P3H2: variants seen among roughly 807,000 people sequenced by gnomAD.
The protein encoded by P3H2 is prolyl 3-hydroxylase 2.
In P3H2, 80 loss-of-function variants were observed where a neutral mutation model predicts 87.0. That is an observed-to-expected ratio of 0.92 (90% CI 0.77 to 1.11). The LOEUF (loss-of-function observed/expected upper bound fraction) is 1.11. P3H2 is among the 50% of genes least tolerant of loss of function. The probability of loss-of-function intolerance (pLI) is 0.00; values close to 1 mark genes in which losing one functional copy is unlikely to be tolerated. For synonymous variants in P3H2, 367 were observed against 359.3 expected, an observed-to-expected ratio of 1.02 and a Z score of -0.24; for missense variants, 1,001 against 923.9, an observed-to-expected ratio of 1.08 and a Z score of -1.08.
chr3:190,114,096 AAAT>A (rs1423130667), intron 1 of P3H2, among the ~76,000 whole-genome samples: 2 of 150,960 alleles, frequency 1.3e-5, no homozygotes, highest in Non-Finnish European at 1.5e-5. Context: ...AAAAAAAAAA[AAAT>A]GGCCAGGAAG....
At chr3:190,087,438 G>A (rs930907713) in intron 1 of P3H2, among the ~76,000 whole-genome samples, 10 of 149,794 alleles carry the variant, frequency 6.7e-5, no homozygotes, top group South Asian at 2.1e-4. Context: ...CAGCTACTCC[G>A]AAGGCTGAGG....
chr3:189,961,774 CCATCAGAGGAAGGGA>C (rs1560336691), intron 14 of P3H2, among the ~76,000 whole-genome samples: 11 of 152,164 alleles, frequency 7.2e-5, no homozygotes, highest in African/African-American at 2.4e-4. Context: ...TAGTACTTTT[CCATCAGAGGAAGGGA>C]CGCTGGCGTT....
Position 190,120,617 on chromosome 3 carries a change from CG to C in P3H2, c.114del (p.Pro40LeufsTer164), listed in dbSNP as rs1194875224. On this transcript the variant is annotated frameshift_variant, in exon 1 of 15. Coordinates refer to ENST00000319332, the MANE Select transcript of P3H2 (RefSeq NM_018192.4). LOFTEE classifies it high-confidence loss of function. The part of the protein sequence containing the change: ...DSPRRELELE[P>X]GPLQPFDLLY... ...AGCAGGTCGAAGGGCTGCAGAGGCC[CG>C]GGCTCCAGCTCCAGCTCCCGGCGTG... 4.6e-6 allele frequency: 7 copies of C among 1,538,166 alleles called. No homozygotes were observed. The highest frequency in any genetic ancestry group is 6.1e-6 in the Non-Finnish European group (7 of 1,151,410).
rs11311050 is a variant in P3H2 at position 189,984,606 on chromosome 3, TA to T, written c.1189-17del. The T allele has an allele frequency of 0.77, 1,067,026 of 1,393,230 alleles. 395,465 individuals carry two copies. The highest frequency in any genetic ancestry group is 0.89 in the East Asian group (35,962 of 40,532). 86.3% of individuals were successfully genotyped at this position (1,393,230 alleles called of 1,614,324 possible). A position where few individuals can be genotyped will look rare whatever the true frequency, so the allele number is the denominator to read the frequency against. On this transcript the variant is annotated splice_polypyrimidine_tract_variant and intron_variant, in intron 6 of 14. Transcript: ENST00000319332. ...TCCAATAATTCTGTTTTGAATCGAG[TA>T]AAAAAAAAAATGCAGTAATTTTGTC...
At chr3:190,016,121 A>G (rs1413592608) in intron 1 of P3H2, among the ~76,000 whole-genome samples, 1 of 152,214 alleles carries the variant, frequency 6.6e-6, no homozygotes, top group Non-Finnish European at 1.5e-5. Flanking sequence ...TCCACAACAT[A>G]TATCACTGAT....
chr3:190,093,372 T>G (rs1203981099), intron 1 of P3H2, among the ~76,000 whole-genome samples: 1 of 151,974 alleles, frequency 6.6e-6, no homozygotes, highest in Non-Finnish European at 1.5e-5. Context: ...CGTGACTAGC[T>G]AAAGAGGTTG....
intron 1 of P3H2, among the ~76,000 whole-genome samples, chr3:190,019,503 G>A (rs1291550917): frequency 6.6e-6 from 1 of 152,056 alleles, no homozygotes; most frequent in African/African-American, 2.4e-5. Context: ...ATCCACAGAT[G>A]TCTGGATGCT....
In P3H2 at chr3:189,972,987, C is replaced by G. The variant is rs141691712; in HGVS notation, c.1586G>C (p.Arg529Pro). 1 of 1,612,878 alleles carries G rather than the reference C, an allele frequency of 6.2e-7. No individual in the cohort carries two copies. The highest frequency in any genetic ancestry group is 8.5e-7 in the Non-Finnish European group (1 of 1,179,776). Reference sequence around the variant, plus strand: ...CTTTTCGCTGATGTCATAAAACAGACGAGCGCTCTTCAGTGGGACTCGACC... The same window carrying G: ...CTTTTCGCTGATGTCATAAAACAGAGGAGCGCTCTTCAGTGGGACTCGACC... ...YEGRVPLKSARLFYDISEKAR... is the reference protein window; with the variant it reads ...YEGRVPLKSAPLFYDISEKAR... Residue 529 changes from arginine (R) to proline (P), a missense_variant, in exon 11 of 15, where the codon CGT becomes CCT. Transcript: ENST00000319332.
At chr3:190,081,561 A>G (rs1256559131) in intron 1 of P3H2, among the ~76,000 whole-genome samples, 1 of 152,208 alleles carries the variant, frequency 6.6e-6, no homozygotes, top group Non-Finnish European at 1.5e-5. Context: ...GTGTACTACC[A>G]TCTAGTGTCG....
chr3:189,973,864 G>A (rs763280203), intron 10 of P3H2, 45 bp downstream of exon 10: 1 of 1,421,988 alleles, frequency 7.0e-7, no homozygotes, highest in South Asian at 1.1e-5. Flanking sequence ...AGAAGCCTTA[G>A]GCTGACACTA....
intron 1 of P3H2, among the ~76,000 whole-genome samples, chr3:190,109,745 CT>C (rs1422102616): frequency 6.6e-6 from 1 of 150,622 alleles, no homozygotes; most frequent in African/African-American, 2.4e-5. Context: ...TGCAGCCAAA[CT>C]TTTTTAATAA....
Position 189,957,820 on chromosome 3 carries a change from T to C in P3H2, c.*92A>G. On this transcript the variant is annotated 3_prime_UTR_variant, in exon 15 of 15. Transcript: ENST00000319332. ...AGATCTGATGACTGACATTAACCTG[T>C]TAATTTATACCATGGCTCTGTACAA... 1 of 857,048 alleles carries C rather than the reference T, an allele frequency of 1.2e-6. No individual in the cohort carries two copies. Among genetic ancestry groups the C allele is most frequent in the South Asian group, 1.4e-5 (1 of 71,138 alleles). 53.1% of individuals were successfully genotyped at this position (857,048 alleles called of 1,614,324 possible). A position where few individuals can be genotyped will look rare whatever the true frequency, so the allele number is the denominator to read the frequency against.
At chr3:190,110,999 C>G (rs143041038) in intron 1 of P3H2, among the ~76,000 whole-genome samples, 10 of 152,340 alleles carry the variant, frequency 6.6e-5, no homozygotes, top group African/African-American at 2.4e-4. Context: ...CAGGATCATT[C>G]TGATAGCCCT....
At chr3:189,982,356 C>T (rs551365898) in intron 8 of P3H2, among the ~76,000 whole-genome samples, 1 of 152,154 alleles carries the variant, frequency 6.6e-6, no homozygotes, top group South Asian at 2.1e-4. Context: ...TAAGAATTAA[C>T]CACTGCTGTT....
chr3:189,988,567 G>A (rs1723778259), intron 4 of P3H2, among the ~76,000 whole-genome samples: 1 of 152,054 alleles, frequency 6.6e-6, no homozygotes. Context: ...TGCCATCAAC[G>A]CCAGGATAAT....
At chr3:190,019,785 AATATATAT>A (rs1210566859) in intron 1 of P3H2, among the ~76,000 whole-genome samples, 893 of 37,376 alleles carry the variant, frequency 0.024, 93 homozygotes, top group African/African-American at 0.057. Flanking sequence ...GAAATTAAAA[AATATATAT>A]ATATATATAT....
At chr3:190,069,836 C>G (rs1245636504) in intron 1 of P3H2, among the ~76,000 whole-genome samples, 2 of 152,058 alleles carry the variant, frequency 1.3e-5, no homozygotes, top group Non-Finnish European at 2.9e-5. Context: ...CAACTGGAAA[C>G]ATTTATGAGT....
chr3:190,106,723 G>A (rs1711853764), intron 1 of P3H2, among the ~76,000 whole-genome samples: 1 of 152,102 alleles, frequency 6.6e-6, no homozygotes, highest in Admixed American at 6.6e-5. Context: ...ATGAGAAGTG[G>A]ATGACAACTC....
chr3:189,988,418 TATA>T (rs1474498810), intron 4 of P3H2, among the ~76,000 whole-genome samples: 2 of 152,020 alleles, frequency 1.3e-5, no homozygotes, highest in Admixed American at 6.6e-5. Flanking sequence ...TGTATGTGTG[TATA>T]ATAAATACAT....
Sources: allele counts gnomAD v4.1 joint callset (sites outside exome capture counted in the v4.1 genomes callset), GRCh38; gene constraint gnomAD v4.1.1; transcripts MANE v1.5; gene names NCBI Gene and HGNC (gene_info 2026-07-23, HGNC 2026-07-21).